CADPS: variants seen among roughly 807,000 people sequenced by gnomAD.
CADPS encodes calcium dependent secretion activator, also known as calcium-dependent secretion activator 1.
A neutral mutation model predicts 167.3 loss-of-function variants in CADPS; 57 were observed. The observed-to-expected ratio is 0.34, with a 90% CI of 0.28 to 0.42. The LOEUF (loss-of-function observed/expected upper bound fraction) is 0.42. Among genes scored for constraint, CADPS ranks in the 20% least tolerant of loss-of-function variants. The pLI is 1.00. For missense variants in CADPS, 1,414 were observed against 1,738.1 expected, an observed-to-expected ratio of 0.81 and a Z score of 3.32; for synonymous variants, 676 against 635.3, an observed-to-expected ratio of 1.06 and a Z score of -0.96.
At chr3:62,816,578 TA>T (rs764248084) in intron 1 of CADPS, among the ~76,000 whole-genome samples, 3 of 151,928 alleles carry the variant, frequency 2.0e-5, no homozygotes, top group Non-Finnish European at 4.4e-5. Context: ...ATGGTAACTT[TA>T]AATATCTATG....
intron 3 of CADPS, among the ~76,000 whole-genome samples, chr3:62,676,390 C>G (rs1186480892): frequency 1.3e-5 from 2 of 152,062 alleles, no homozygotes; most frequent in East Asian, 1.9e-4. Context: ...CTAACATGGT[C>G]TATGCGATTT....
At chr3:62,439,462 A>G (rs1367036078) in intron 27 of CADPS, 1 of 152,232 alleles carries the variant, frequency 6.6e-6, no homozygotes, top group Non-Finnish European at 1.5e-5. Context: ...AAGCCACAGT[A>G]GTCAAGTGTT....
chr3:62,542,584 G>A (rs752971022), intron 11 of CADPS, among the ~76,000 whole-genome samples: 1 of 152,078 alleles, frequency 6.6e-6, no homozygotes, highest in Non-Finnish European at 1.5e-5. Flanking sequence ...GCTGCCCAGA[G>A]GCACAAATGG....
At chr3:62,840,480 A>C (rs187312961) in intron 1 of CADPS, among the ~76,000 whole-genome samples, 1 of 152,308 alleles carries the variant, frequency 6.6e-6, no homozygotes, top group Admixed American at 6.5e-5. Flanking sequence ...ATGAAAACTT[A>C]GTTTTTTGAA....
rs1315012717 is a variant in CADPS at position 62,602,641 on chromosome 3, A to G, written c.1326-9893T>C. On this transcript the variant is annotated intron_variant, in intron 6 of 29. Transcript: ENST00000383710. The surrounding 1 kb of genome is among the most constrained non-coding windows in gnomAD (Gnocchi z 4.4). Reference sequence around the variant, plus strand: ...GGCTTTGGGTTCTTTAGTGTACTAGAAAAGCTAAGCTACCTCTCATCTACA... The same window carrying G: ...GGCTTTGGGTTCTTTAGTGTACTAGGAAAGCTAAGCTACCTCTCATCTACA... Among the ~76,000 whole-genome samples the G allele has an allele frequency of 6.6e-6, 1 of 152,130 alleles. No individual in the cohort carries two copies. Among genetic ancestry groups the G allele is most frequent in the Non-Finnish European group, 1.5e-5 (1 of 68,022 alleles).
At chr3:62,498,128 T>C (rs1176334782) in intron 18 of CADPS, 2 of 456,576 alleles carry the variant, frequency 4.4e-6, no homozygotes, top group Non-Finnish European at 8.8e-6. Context: ...GGCTGGTTCA[T>C]TCGGTTTAGT....
At chr3:62,748,958 G>T (rs1575807914) in intron 3 of CADPS, among the ~76,000 whole-genome samples, 1 of 152,224 alleles carries the variant, frequency 6.6e-6, no homozygotes, top group African/African-American at 2.4e-5. Flanking sequence ...GTGTCCCAAA[G>T]TGCTGGAATG....
chr3:62,499,130 A>G, intron 18 of CADPS, 32 bp downstream of exon 18: 2 of 1,371,292 alleles, frequency 1.5e-6, no homozygotes, highest in Non-Finnish European at 2.1e-6. Flanking sequence ...GCTAAGGGAC[A>G]GTAAGATACA....
intron 4 of CADPS, among the ~76,000 whole-genome samples, chr3:62,652,888 G>T (rs1398790729): frequency 6.6e-6 from 1 of 151,986 alleles, no homozygotes; most frequent in Non-Finnish European, 1.5e-5. Flanking sequence ...TAGTTAAAAG[G>T]GTTTTTCTTC....
At chr3:62,733,442 G>T (rs1452904266) in intron 3 of CADPS, among the ~76,000 whole-genome samples, 1 of 152,120 alleles carries the variant, frequency 6.6e-6, no homozygotes, top group African/African-American at 2.4e-5. Flanking sequence ...TAAAGTTAAT[G>T]AGAAATAATC....
intron 3 of CADPS, among the ~76,000 whole-genome samples, chr3:62,697,529 C>T (rs2080552927): frequency 6.6e-6 from 1 of 152,066 alleles, no homozygotes; most frequent in Non-Finnish European, 1.5e-5. Flanking sequence ...GGGCTGGTTC[C>T]ATATTTTTGC....
At chr3:62,763,201 G>C (rs1317420971) in intron 2 of CADPS, among the ~76,000 whole-genome samples, 1 of 152,128 alleles carries the variant, frequency 6.6e-6, no homozygotes, top group Non-Finnish European at 1.5e-5. Flanking sequence ...CTCAAGAAGG[G>C]ACATATGATC....
chr3:62,403,238 G>T, intron 28 of CADPS, 53 bp from the exon 29 acceptor site: 2 of 1,208,872 alleles, frequency 1.7e-6, no homozygotes, highest in South Asian at 2.5e-5. Flanking sequence ...GCATTTATAG[G>T]GCAGAGAGAG....
intron 3 of CADPS, among the ~76,000 whole-genome samples, chr3:62,727,817 C>A (rs956220045): frequency 6.6e-6 from 1 of 151,822 alleles, no homozygotes. Context: ...GATGAAGCTT[C>A]CCCTCAAATA....
At chr3:62,428,723 T>C (rs1265459076) in intron 28 of CADPS, among the ~76,000 whole-genome samples, 1 of 152,198 alleles carries the variant, frequency 6.6e-6, no homozygotes, top group Non-Finnish European at 1.5e-5. Flanking sequence ...AAGGGCTACC[T>C]GTATACTTTT....
At chr3:62,545,860 A>C (rs2076371913) in intron 11 of CADPS, among the ~76,000 whole-genome samples, 1 of 152,132 alleles carries the variant, frequency 6.6e-6, no homozygotes, top group African/African-American at 2.4e-5. Flanking sequence ...TCTCTACCCC[A>C]AAAATATTTC....
At chr3:62,571,431 C>T (rs2081265583) in intron 8 of CADPS, among the ~76,000 whole-genome samples, 1 of 152,188 alleles carries the variant, frequency 6.6e-6, no homozygotes, top group African/African-American at 2.4e-5. Flanking sequence ...GGTCTCCCCA[C>T]TTCCTTCCTC....
At chr3:62,683,905 A>C (rs2077539603) in intron 3 of CADPS, among the ~76,000 whole-genome samples, 1 of 152,028 alleles carries the variant, frequency 6.6e-6, no homozygotes, top group Non-Finnish European at 1.5e-5. Flanking sequence ...AGCCATTCTC[A>C]ATATGTCATA....
chr3:62,841,475 G>T (rs1050760532), intron 1 of CADPS, among the ~76,000 whole-genome samples: 1 of 152,140 alleles, frequency 6.6e-6, no homozygotes, highest in African/African-American at 2.4e-5. Context: ...CAGCACTTTG[G>T]GAGGCTAAGG....
Sources: gnomAD v4.1 joint callset for allele counts (sites outside exome capture counted in the v4.1 genomes callset) on GRCh38, gnomAD v4.1.1 for gene constraint, Gnocchi (gnomAD v3.1) non-coding constraint, MANE v1.5 for transcripts, NCBI Gene and HGNC (gene_info 2026-07-23, HGNC 2026-07-21) for gene names.